GPC6: variants seen among roughly 807,000 people sequenced by gnomAD.
The protein encoded by GPC6 is glypican-6.
A neutral mutation model predicts 55.2 loss-of-function variants in GPC6; 14 were observed. That is an observed-to-expected ratio of 0.25 (90% CI 0.17 to 0.40). GPC6 has a LOEUF of 0.40. Among genes scored for constraint, GPC6 ranks in the 10% least tolerant of loss-of-function variants. The pLI is 1.00. For missense variants in GPC6, 641 were observed against 708.5 expected (o/e 0.90, Z 1.08); for synonymous variants, 278 against 259.6 (o/e 1.07, Z -0.68).
intron 4 of GPC6, among the ~76,000 whole-genome samples, chr13:94,256,761 TC>T (rs1456975712): frequency 2.0e-5 from 3 of 152,030 alleles, no homozygotes; most frequent in Non-Finnish European, 4.4e-5. Context: ...AATTCCCATC[TC>T]CTCCCCAAAT....
chr13:93,785,358 A>G (rs974316532), intron 2 of GPC6, among the ~76,000 whole-genome samples: 2 of 152,210 alleles, frequency 1.3e-5, no homozygotes, highest in Non-Finnish European at 2.9e-5. Flanking sequence ...AATGGATCAC[A>G]TTGGCTCTCA....
chr13:93,300,686 TAG>T (rs1382407927), intron 1 of GPC6, among the ~76,000 whole-genome samples: 1 of 143,670 alleles, frequency 7.0e-6, no homozygotes, highest in Non-Finnish European at 1.5e-5. Flanking sequence ...AGGCCAAGAG[TAG>T]AGACAATAGA....
chr13:93,531,803 C>T (rs776195534), intron 1 of GPC6, among the ~76,000 whole-genome samples: 11 of 152,136 alleles, frequency 7.2e-5, no homozygotes, highest in Non-Finnish European at 1.3e-4. Flanking sequence ...TTATTTCATA[C>T]ATAGTCACAA....
At chr13:93,697,621 T>A (rs2138789692) in intron 2 of GPC6, among the ~76,000 whole-genome samples, 1 of 152,308 alleles carries the variant, frequency 6.6e-6, no homozygotes, top group African/African-American at 2.4e-5. Context: ...ACTTAAATGC[T>A]GTTCTGTACT....
At chr13:93,581,073 C>A (rs1012164003) in intron 2 of GPC6, among the ~76,000 whole-genome samples, 10 of 152,072 alleles carry the variant, frequency 6.6e-5, no homozygotes, top group African/African-American at 2.2e-4. Flanking sequence ...AAAATATAAC[C>A]GCTTTTTAAA....
intron 8 of GPC6, among the ~76,000 whole-genome samples, chr13:94,401,700 T>A (rs148712738): frequency 6.6e-6 from 1 of 152,352 alleles, no homozygotes; most frequent in East Asian, 1.9e-4. Flanking sequence ...ATATGGATGC[T>A]GAAATGTGAA....
intron 1 of GPC6, among the ~76,000 whole-genome samples, chr13:93,336,262 A>T (rs1880041767): frequency 6.6e-6 from 1 of 152,146 alleles, no homozygotes; most frequent in African/African-American, 2.4e-5. Context: ...TTTGCAGATA[A>T]TGTGTTTGAC....
chr13:93,311,913 C>G (rs986220470), intron 1 of GPC6, among the ~76,000 whole-genome samples: 13 of 152,056 alleles, frequency 8.5e-5, no homozygotes, highest in African/African-American at 3.1e-4. Flanking sequence ...TTGGGGTAAT[C>G]AGGCAGAAGC....
intron 2 of GPC6, among the ~76,000 whole-genome samples, chr13:93,694,862 C>T (rs1032636793): frequency 7.9e-5 from 12 of 152,068 alleles, no homozygotes; most frequent in African/African-American, 2.9e-4. Flanking sequence ...GTCATTCTCA[C>T]TGGGCCTTGA....
chr13:94,128,787 A>T (rs1159433844), intron 4 of GPC6, among the ~76,000 whole-genome samples: 2 of 152,152 alleles, frequency 1.3e-5, no homozygotes, highest in Non-Finnish European at 2.9e-5. Context: ...TGCATTTGCC[A>T]TCACCCCTTA....
chr13:93,300,156 G>A (rs1878625246), intron 1 of GPC6, among the ~76,000 whole-genome samples: 1 of 152,188 alleles, frequency 6.6e-6, no homozygotes, highest in Non-Finnish European at 1.5e-5. Context: ...TAATGCATGG[G>A]TGTGTAGGAG....
chr13:93,470,801 T>C (rs1879082854), intron 1 of GPC6, among the ~76,000 whole-genome samples: 1 of 152,154 alleles, frequency 6.6e-6, no homozygotes, highest in South Asian at 2.1e-4. Flanking sequence ...TCCTTTTTTT[T>C]CAAAATCAAT....
chr13:93,258,710 A>C lies in GPC6; in HGVS notation c.160+31094A>C, dbSNP rs59639949. Among the ~76,000 whole-genome samples, 348 of 152,178 alleles carry C rather than the reference A, an allele frequency of 2.3e-3. 2 individuals are homozygous for C. Among genetic ancestry groups the C allele is most frequent in the African/African-American group, 7.8e-3 (325 of 41,520 alleles). On this transcript the variant is annotated intron_variant, in intron 1 of 8. Coordinates refer to ENST00000377047, the MANE Select transcript of GPC6 (RefSeq NM_005708.5). ...TCCTAGCACTTTAGGAGGCTGAGGCAGGAGGATTGCTTGAAGCCAGGAGTT... is the reference window on the plus strand; with the variant it reads ...TCCTAGCACTTTAGGAGGCTGAGGCCGGAGGATTGCTTGAAGCCAGGAGTT...
chr13:94,180,051 G>C (rs1033510909), intron 4 of GPC6, among the ~76,000 whole-genome samples: 9 of 152,118 alleles, frequency 5.9e-5, no homozygotes, highest in African/African-American at 2.2e-4. Flanking sequence ...AGAGGCACAG[G>C]GGGAGGAGGA....
chr13:93,826,997 T>C (rs1887285218), intron 2 of GPC6, among the ~76,000 whole-genome samples: 1 of 152,230 alleles, frequency 6.6e-6, no homozygotes, highest in Non-Finnish European at 1.5e-5. Context: ...CAGAGGCTAA[T>C]GCTGGCTAGG....
intron 1 of GPC6, among the ~76,000 whole-genome samples, chr13:93,533,473 C>A (rs1247424587): frequency 6.6e-6 from 1 of 152,106 alleles, no homozygotes; most frequent in Non-Finnish European, 1.5e-5. Context: ...TGCTTGGTAC[C>A]AGATGTGCTT....
chr13:93,683,794 C>A (rs1881942299), intron 2 of GPC6, among the ~76,000 whole-genome samples: 2 of 152,082 alleles, frequency 1.3e-5, no homozygotes, highest in African/African-American at 4.8e-5. Context: ...TTTTGGGCTG[C>A]TATAACAAAG....
chr13:93,620,685 T>G lies in GPC6; in HGVS notation c.319+75264T>G, dbSNP rs1021856493. Among the ~76,000 whole-genome samples the G allele has an allele frequency of 2.2e-4, 34 of 152,302 alleles. 1 individual carries two copies. Among genetic ancestry groups the G allele is most frequent in the African/African-American group, 8.2e-4 (34 of 41,574 alleles). On this transcript the variant is annotated intron_variant, in intron 2 of 8. Transcript: ENST00000377047. Reference sequence around the variant, plus strand: ...ATCCAAATTCTAAAAATATGGTAGATTCTTCATTTTATTGTGGTTTTCTGA... The same window carrying G: ...ATCCAAATTCTAAAAATATGGTAGAGTCTTCATTTTATTGTGGTTTTCTGA...
intron 7 of GPC6, among the ~76,000 whole-genome samples, chr13:94,391,117 C>T (rs1186069516): frequency 1.3e-5 from 2 of 152,184 alleles, no homozygotes; most frequent in Non-Finnish European, 2.9e-5. Context: ...AATCAATGAG[C>T]TATGTGTTCT....
Sources: gnomAD v4.1 joint callset for allele counts (sites outside exome capture counted in the v4.1 genomes callset) on GRCh38, gnomAD v4.1.1 for gene constraint, MANE v1.5 for transcripts, NCBI Gene and HGNC (gene_info 2026-07-23, HGNC 2026-07-21) for gene names.